The following KCNJ16 variants were observed in gnomAD, a reference collection of about 807,000 sequenced individuals.
KCNJ16 encodes inward rectifier potassium channel 16.
Under a neutral mutation model 18.5 loss-of-function variants are expected in KCNJ16, and 15 were observed. The observed-to-expected ratio is 0.81, with a 90% CI of 0.54 to 1.25. The LOEUF (loss-of-function observed/expected upper bound fraction) is 1.25. Ranked by LOEUF, KCNJ16 falls within the 50% of genes most tolerant of loss-of-function variation. The pLI, the probability that KCNJ16 is intolerant of heterozygous loss-of-function variation, is 0.00. For missense variants in KCNJ16, 523 were observed against 525.7 expected, an observed-to-expected ratio of 0.99 and a Z score of 0.05; for synonymous variants, 174 against 186.5, an observed-to-expected ratio of 0.93 and a Z score of 0.55.
Position 70,132,064 on chromosome 17 carries a change from G to A in KCNJ16, c.-24G>A. Reference sequence around the variant, plus strand: ...ATTCTTACTACTACAAAACTCACCTGGATCCCTAAGGGCACAGCAAAGAAT... The same window carrying A: ...ATTCTTACTACTACAAAACTCACCTAGATCCCTAAGGGCACAGCAAAGAAT... On this transcript the variant is annotated 5_prime_UTR_variant, in exon 4 of 4. Transcript: ENST00000392671. The A allele has an allele frequency of 6.2e-7, 1 of 1,613,804 alleles. No individual in the cohort carries two copies. The highest frequency in any genetic ancestry group is 8.5e-7 in the Non-Finnish European group (1 of 1,179,990).
chr17:70,082,379 A>G (rs2071593860), intron 1 of KCNJ16, among the ~76,000 whole-genome samples: 1 of 152,168 alleles, frequency 6.6e-6, no homozygotes, highest in Admixed American at 6.5e-5. Flanking sequence ...CTTAGATGGG[A>G]GAATGTTTTT....
chr17:70,078,674 G>C (rs2071419434), intron 1 of KCNJ16, among the ~76,000 whole-genome samples: 1 of 152,074 alleles, frequency 6.6e-6, no homozygotes, highest in Non-Finnish European at 1.5e-5. Flanking sequence ...CACTGTACCG[G>C]ACAGTCTGGG....
At chr17:70,077,003 G>C (rs1390427717) in intron 1 of KCNJ16, among the ~76,000 whole-genome samples, 1 of 152,150 alleles carries the variant, frequency 6.6e-6, no homozygotes, top group Non-Finnish European at 1.5e-5. Flanking sequence ...TCTTCACTAA[G>C]GGGGTGATAT....
rs200196153 is a variant in KCNJ16, at chr17:70,132,706, C to T, written c.619C>T (p.Arg207Trp). 1.1e-4 allele frequency: 178 copies of T among 1,614,006 alleles called. No homozygotes were observed. The highest frequency in any genetic ancestry group is 3.4e-4 in the South Asian group (31 of 91,084). ...LCLMWRIGDF[R>W]PNHVVEGTVR... is the part of the protein sequence containing the mutation. The stretch of plus-strand genomic sequence containing the variant: ...CCTCATGTGGCGCATTGGTGATTTT[C>T]GGCCAAACCACGTGGTAGAAGGAAC... Residue 207 changes from arginine (R) to tryptophan (W), a missense_variant, in exon 4 of 4, where the codon CGG becomes TGG. Coordinates refer to ENST00000392671, the MANE Select transcript of KCNJ16 (RefSeq NM_170741.4).
intron 1 of KCNJ16, among the ~76,000 whole-genome samples, chr17:70,076,536 G>A (rs1162751390): frequency 6.6e-6 from 1 of 152,112 alleles, no homozygotes; most frequent in Non-Finnish European, 1.5e-5. Flanking sequence ...CGATAATTGT[G>A]ATAAATCTAA....
At chr17:70,081,658 T>C (rs2071557473) in intron 1 of KCNJ16, among the ~76,000 whole-genome samples, 1 of 152,168 alleles carries the variant, frequency 6.6e-6, no homozygotes, top group Non-Finnish European at 1.5e-5. Context: ...GCACTGTTTC[T>C]CGAGTTGTGT....
At chr17:70,102,036 G>C (rs1598124121) in intron 2 of KCNJ16, 1 of 152,004 alleles carries the variant, frequency 6.6e-6, no homozygotes, top group African/African-American at 2.4e-5. Flanking sequence ...AGATGGAAAA[G>C]AGTTGATTGA....
At chr17:70,083,866 A>T (rs1339402024) in intron 1 of KCNJ16, among the ~76,000 whole-genome samples, 1 of 152,164 alleles carries the variant, frequency 6.6e-6, no homozygotes, top group African/African-American at 2.4e-5. Context: ...TGTGAAGTGG[A>T]GGAAGATAGA....
At chr17:70,128,464 C>T (rs1296831218) in intron 2 of KCNJ16, among the ~76,000 whole-genome samples, 2 of 152,152 alleles carry the variant, frequency 1.3e-5, no homozygotes, top group South Asian at 2.1e-4. Flanking sequence ...GAGTCTCTCG[C>T]TGCTTTCCTC....
chr17:70,120,743 T>C (rs904292775), intron 2 of KCNJ16, among the ~76,000 whole-genome samples: 3 of 152,160 alleles, frequency 2.0e-5, no homozygotes, highest in African/African-American at 2.4e-5. Flanking sequence ...GAGAGATCTG[T>C]CTGCATGATC....
intron 2 of KCNJ16, among the ~76,000 whole-genome samples, chr17:70,123,220 CACTCAGGTCTTTG>C (rs1242740416): frequency 2.0e-5 from 3 of 152,118 alleles, no homozygotes; most frequent in Non-Finnish European, 4.4e-5. Context: ...CCCATGCCCA[CACTCAGGTCTTTG>C]GAAAGCATGT....
chr17:70,118,557 A>G (rs1293191352), intron 2 of KCNJ16, among the ~76,000 whole-genome samples: 2 of 152,150 alleles, frequency 1.3e-5, no homozygotes, highest in Non-Finnish European at 2.9e-5. Flanking sequence ...AAAATGGTGG[A>G]AAGTGAAGGG....
intron 1 of KCNJ16, among the ~76,000 whole-genome samples, chr17:70,076,922 A>T (rs145143274): frequency 6.6e-6 from 1 of 152,324 alleles, no homozygotes; most frequent in Non-Finnish European, 1.5e-5. Flanking sequence ...CCAGCATAAG[A>T]AGATCATTGG....
chr17:70,124,999 G>A (rs1424767812), intron 2 of KCNJ16, among the ~76,000 whole-genome samples: 1 of 152,134 alleles, frequency 6.6e-6, no homozygotes, highest in Non-Finnish European at 1.5e-5. Context: ...GGGCACAGTG[G>A]CTCACATCTG....
intron 2 of KCNJ16, chr17:70,101,588 C>A (rs202032377): frequency 9.3e-5 from 14 of 150,546 alleles, no homozygotes; most frequent in Non-Finnish European, 1.5e-4. Context: ...TTGCAGATTT[C>A]TTTTTTTTTG....
rs1165461541 is a variant in KCNJ16 at position 70,133,775 on chromosome 17, C to G, written c.*431C>G. The G allele has an allele frequency of 1.7e-5, 3 of 172,024 alleles. No homozygotes were observed. The highest frequency in any genetic ancestry group is 4.8e-5 in the African/African-American group (2 of 41,512). 10.7% of individuals were successfully genotyped at this position (172,024 alleles called of 1,614,324 possible). A position where few individuals can be genotyped will look rare whatever the true frequency, so the allele number is the denominator to read the frequency against. On this transcript the variant is annotated 3_prime_UTR_variant, in exon 4 of 4. Transcript: ENST00000392671. ...AGATTTACCATAAAAAGTATCATATCTAACCAAGATATGCAAAAGATGCAT... is the reference window on the plus strand; with the variant it reads ...AGATTTACCATAAAAAGTATCATATGTAACCAAGATATGCAAAAGATGCAT...
At chr17:70,121,311 T>C (rs886406863) in intron 2 of KCNJ16, among the ~76,000 whole-genome samples, 11 of 152,178 alleles carry the variant, frequency 7.2e-5, no homozygotes, top group African/African-American at 2.4e-4. Flanking sequence ...TTCCTGAACA[T>C]TTTCAGGAAC....
At chr17:70,090,719 AACCCACTCACAATATGG>A (rs1456148496) in intron 1 of KCNJ16, among the ~76,000 whole-genome samples, 1,871 of 150,878 alleles carry the variant, frequency 0.012, 42 homozygotes, top group African/African-American at 0.042. Flanking sequence ...CAATACCGCT[AACCCACTCACAATATGG>A]CTAACCCACT....
At chr17:70,103,771 A>T (rs1377611379) in intron 2 of KCNJ16, among the ~76,000 whole-genome samples, 1 of 151,982 alleles carries the variant, frequency 6.6e-6, no homozygotes, top group Admixed American at 6.6e-5. Flanking sequence ...TCTCCTTGAC[A>T]TGTTCATTTG....
Sources: allele counts gnomAD v4.1 joint callset (sites outside exome capture counted in the v4.1 genomes callset), GRCh38; gene constraint gnomAD v4.1.1; transcripts MANE v1.5; gene names NCBI Gene and HGNC (gene_info 2026-07-23, HGNC 2026-07-21).